NELL1: variants seen among roughly 807,000 people sequenced by gnomAD.
The protein encoded by NELL1 is protein kinase C-binding protein NELL1.
A neutral mutation model predicts 107.4 loss-of-function variants in NELL1; 76 were observed. The observed-to-expected ratio is 0.71, with a 90% CI of 0.59 to 0.86. NELL1 has a LOEUF of 0.86. NELL1 is among the 40% of genes least tolerant of loss of function. The pLI is 0.00. For synonymous variants in NELL1, 353 were observed against 341.2 expected (o/e 1.03, Z -0.38); for missense variants, 1,024 against 1,005.5 (o/e 1.02, Z -0.25).
intron 2 of NELL1, among the ~76,000 whole-genome samples, chr11:20,691,572 A>G: frequency 6.6e-6 from 1 of 152,092 alleles, no homozygotes; most frequent in Middle Eastern, 3.2e-3. Context: ...TTCTGTTTGT[A>G]TGCTGGATTA....
chr11:21,381,076 T>C (rs1377612161), intron 15 of NELL1, among the ~76,000 whole-genome samples: 1 of 152,066 alleles, frequency 6.6e-6, no homozygotes, highest in Non-Finnish European at 1.5e-5. Flanking sequence ...CTAACCCGTG[T>C]ATTGCTGAAT....
chr11:21,091,883 G>A (rs1203513536), intron 12 of NELL1, among the ~76,000 whole-genome samples: 1 of 152,144 alleles, frequency 6.6e-6, no homozygotes, highest in Non-Finnish European at 1.5e-5. Context: ...TCTCAGGGTA[G>A]GCCCTAAGTC....
At chr11:21,234,083 C>A (rs1439726168) in intron 14 of NELL1, among the ~76,000 whole-genome samples, 2 of 152,098 alleles carry the variant, frequency 1.3e-5, no homozygotes, top group Non-Finnish European at 2.9e-5. Flanking sequence ...AAAAGAATTA[C>A]CCAAAATACA....
At chr11:21,202,750 T>C (rs983927986) in intron 13 of NELL1, among the ~76,000 whole-genome samples, 2 of 152,242 alleles carry the variant, frequency 1.3e-5, no homozygotes, top group Non-Finnish European at 2.9e-5. Context: ...CTGCTTTACC[T>C]TGTGGGCATT....
At chr11:20,900,762 C>T (rs538648071) in intron 5 of NELL1, among the ~76,000 whole-genome samples, 6 of 151,986 alleles carry the variant, frequency 3.9e-5, no homozygotes, top group South Asian at 4.2e-4. Context: ...TGTATGTATG[C>T]GTGTGTGTCT....
chr11:20,796,591 A>T (rs1441773794), intron 3 of NELL1, among the ~76,000 whole-genome samples: 1 of 152,210 alleles, frequency 6.6e-6, no homozygotes, highest in African/African-American at 2.4e-5. Flanking sequence ...AAGTCTCCAC[A>T]CTTCAAACAA....
chr11:21,013,737 C>T (rs1178855746), intron 12 of NELL1, among the ~76,000 whole-genome samples: 1 of 152,118 alleles, frequency 6.6e-6, no homozygotes, highest in African/African-American at 2.4e-5. Context: ...TGTTAATACA[C>T]TGTGTTTAAC....
At chr11:21,502,261 G>C (rs1855162609) in intron 15 of NELL1, among the ~76,000 whole-genome samples, 1 of 152,204 alleles carries the variant, frequency 6.6e-6, no homozygotes, top group Non-Finnish European at 1.5e-5. Flanking sequence ...GACTTCTGTT[G>C]AGTGCCTGAC....
At chr11:20,937,024 A>C (rs1850741067) in intron 9 of NELL1, among the ~76,000 whole-genome samples, 1 of 152,124 alleles carries the variant, frequency 6.6e-6, no homozygotes, top group South Asian at 2.1e-4. Context: ...TTCCTGTTGA[A>C]GTGGATGGAG....
At chr11:20,768,520 A>G (rs1856579744) in intron 2 of NELL1, among the ~76,000 whole-genome samples, 1 of 152,232 alleles carries the variant, frequency 6.6e-6, no homozygotes, top group Non-Finnish European at 1.5e-5. Context: ...CCACATTCTA[A>G]TCTCCATAAC....
intron 17 of NELL1, among the ~76,000 whole-genome samples, chr11:21,567,894 C>T (rs77372261): frequency 0.012 from 1,813 of 151,934 alleles, 32 homozygotes; most frequent in African/African-American, 0.042. Flanking sequence ...AAGTTGTATA[C>T]TTGCTGCCCC....
At chr11:20,866,842 C>T (rs535268369) in intron 4 of NELL1, among the ~76,000 whole-genome samples, 1 of 152,222 alleles carries the variant, frequency 6.6e-6, no homozygotes, top group South Asian at 2.1e-4. Context: ...TACCTGTAAC[C>T]CTTGCCTCCA....
intron 2 of NELL1, among the ~76,000 whole-genome samples, chr11:20,709,630 C>T (rs1038576378): frequency 2.0e-5 from 3 of 152,056 alleles, no homozygotes; most frequent in African/African-American, 7.2e-5. Context: ...TTGCTTTTGG[C>T]ACTAAGGTCA....
chr11:21,565,551 G>A lies in NELL1; in HGVS notation c.1980+5169G>A, dbSNP rs568946907. On this transcript the variant is annotated intron_variant, in intron 17 of 19. Coordinates refer to ENST00000357134, the MANE Select transcript of NELL1 (RefSeq NM_006157.5). Reference sequence around the variant, plus strand: ...CATTTTTCAGTAGTTCCCAGGAGATGGTAATGCTGCTGGTTTGAGGACTGC... The same window carrying A: ...CATTTTTCAGTAGTTCCCAGGAGATAGTAATGCTGCTGGTTTGAGGACTGC... 2.1e-4 allele frequency among the ~76,000 whole-genome samples: 32 copies of A among 151,980 alleles called. No homozygotes were observed. In the South Asian group the frequency reaches 4.8e-3, roughly 23 times the overall value.
intron 2 of NELL1, among the ~76,000 whole-genome samples, chr11:20,777,870 T>C (rs945008997): frequency 6.6e-6 from 1 of 152,202 alleles, no homozygotes; most frequent in African/African-American, 2.4e-5. Flanking sequence ...CACCTTGATT[T>C]GCTGATTCTT....
chr11:20,870,104 G>A (rs1207445375), intron 4 of NELL1, among the ~76,000 whole-genome samples: 1 of 152,074 alleles, frequency 6.6e-6, no homozygotes, highest in Non-Finnish European at 1.5e-5. Flanking sequence ...TACTGTTCAT[G>A]GCCTCATTGA....
intron 13 of NELL1, among the ~76,000 whole-genome samples, chr11:21,118,416 A>G (rs377338383): frequency 6.6e-6 from 1 of 152,008 alleles, no homozygotes; most frequent in Admixed American, 6.6e-5. Context: ...TGTGTCCTGA[A>G]AATAAGCTTG....
At position 21,297,198 on chromosome 11, in the gene NELL1, T is replaced by C. The variant is rs537882096; in HGVS notation, c.1549+67744T>C. ...AAGCCAGGGTTTCTGGACATATCGA[T>C]AGTATTATGGAAAGAAATGCAAAGG... On this transcript the variant is annotated intron_variant, in intron 14 of 19. Transcript: ENST00000357134. Among the ~76,000 whole-genome samples the C allele has an allele frequency of 1.2e-3, 177 of 152,062 alleles. 2 individuals are homozygous for C. Among genetic ancestry groups the C allele is most frequent in the Non-Finnish European group, 2.2e-3 (147 of 67,944 alleles).
At chr11:21,514,482 C>T (rs1392977619) in intron 15 of NELL1, among the ~76,000 whole-genome samples, 3 of 152,164 alleles carry the variant, frequency 2.0e-5, no homozygotes, top group African/African-American at 7.2e-5. Context: ...TGCTCTGCAG[C>T]GGAGAGTCCA....
Sources: allele counts gnomAD v4.1 joint callset (sites outside exome capture counted in the v4.1 genomes callset), GRCh38; gene constraint gnomAD v4.1.1; transcripts MANE v1.5; gene names NCBI Gene and HGNC (gene_info 2026-07-23, HGNC 2026-07-21).